Variants in DDX60L observed in about 807,000 individuals in gnomAD.
DDX60L encodes the protein probable ATP-dependent RNA helicase DDX60-like.
Under a neutral mutation model 211.6 loss-of-function variants are expected in DDX60L, and 191 were observed. The observed-to-expected ratio is 0.90, with a 90% CI of 0.80 to 1.02. The LOEUF (loss-of-function observed/expected upper bound fraction) is 1.02. Ranked by LOEUF, DDX60L falls within the 50% of genes least tolerant of loss-of-function variation. DDX60L has a pLI of 0.00. For synonymous variants in DDX60L, 706 were observed against 694.1 expected, an observed-to-expected ratio of 1.02 and a Z score of -0.27; for missense variants, 2,007 against 1,984.1, an observed-to-expected ratio of 1.01 and a Z score of -0.22.
In DDX60L at chr4:168,379,721, G is replaced by T; in HGVS notation, c.4221+5C>A. ...AGAGAACAAAAAGCCAAAGCACGAT[G>T]ATACCTCTTTGATAAGGAGCTGCAA... is the stretch of plus-strand genomic sequence containing the variant. On this transcript the variant is annotated splice_donor_5th_base_variant and intron_variant, in intron 31 of 37. Transcript: ENST00000682922. The T allele has an allele frequency of 6.2e-7, 1 of 1,608,652 alleles. No homozygotes were observed. Among genetic ancestry groups the T allele is most frequent in the Non-Finnish European group, 8.5e-7 (1 of 1,175,772 alleles).
At chr4:168,449,652 C>CAAAAAAAAAAAAAAAAAGAA in intron 8 of DDX60L, among the ~76,000 whole-genome samples, 1 of 7,936 alleles carries the variant, frequency 1.3e-4, no homozygotes, top group African/African-American at 6.1e-4. Context: ...AAAAAAAATG[C>CAAAAAAAAAAAAAAAAAGAA]AAAAAAAAAA....
Position 168,415,809 on chromosome 4 carries a change from TA to T in DDX60L, c.2727-11del. 6.6e-7 allele frequency: 1 copy of T among 1,504,040 alleles called. No individual in the cohort carries two copies. The highest frequency in any genetic ancestry group is 8.9e-7 in the Non-Finnish European group (1 of 1,126,618). The allele number at this position is 1,504,040 out of a possible 1,614,324, so 93.2% of individuals were successfully genotyped here. ...TACTGATTGCAGCCACCTTACAGAA[TA>T]AACATGCATATAATTTAAATAAAAT... On this transcript the variant is annotated splice_polypyrimidine_tract_variant and intron_variant, in intron 20 of 37. Transcript: ENST00000682922.
At chr4:168,386,342 G>A (rs1560963111) in intron 29 of DDX60L, among the ~76,000 whole-genome samples, 1 of 152,118 alleles carries the variant, frequency 6.6e-6, no homozygotes, top group African/African-American at 2.4e-5. Context: ...TAAGCTCCTT[G>A]AGATACAAAT....
At chr4:168,453,978 C>G (rs1756173388) in intron 7 of DDX60L, among the ~76,000 whole-genome samples, 1 of 151,892 alleles carries the variant, frequency 6.6e-6, no homozygotes, top group Non-Finnish European at 1.5e-5. Context: ...GACAGTGATC[C>G]CTAGCCATCT....
In DDX60L at chr4:168,358,284, AATG is replaced by A. The variant is rs756843567; in HGVS notation, c.4992-11_4992-9del. The A allele has an allele frequency of 1.0e-5, 15 of 1,476,890 alleles. No homozygotes were observed. The highest frequency in any genetic ancestry group is 1.3e-5 in the South Asian group (1 of 74,124). The allele number at this position is 1,476,890 out of a possible 1,614,324, so 91.5% of individuals were successfully genotyped here. ...AGTTCACTCAAGGAGTCACTGTATA[AATG>A]ATAATAATAATAAAAAAATAATGAG... On this transcript the variant is annotated splice_polypyrimidine_tract_variant and intron_variant, in intron 37 of 37. Coordinates refer to ENST00000682922, the MANE Select transcript of DDX60L (RefSeq NM_001012967.3).
rs781704022 is a variant in DDX60L, at chr4:168,394,485, A to T, written c.3790T>A (p.Phe1264Ile). 2 of 1,606,466 alleles carry T rather than the reference A, an allele frequency of 1.2e-6. No homozygotes were observed. Among genetic ancestry groups the T allele is most frequent in the East Asian group, 4.5e-5 (2 of 44,802 alleles). Reference sequence around the variant, plus strand: ...CCTACCCTAATAAGCCCTTTTACAAAGAGTATCTCAACAAACTCTTTTTCT... The same window carrying T: ...CCTACCCTAATAAGCCCTTTTACAATGAGTATCTCAACAAACTCTTTTTCT... ...FKEKEFVEIL[F>I]VKGLIRVVTA... Residue 1264 changes from phenylalanine (F) to isoleucine (I), a missense_variant, in exon 28 of 38, where the codon TTT (phenylalanine) becomes ATT (isoleucine). Physicochemically the swap from Phe to Ile is conservative, Grantham distance 21 (BLOSUM62 0). Transcript: ENST00000682922.
chr4:168,418,875 G>C (rs566195101), intron 19 of DDX60L, among the ~76,000 whole-genome samples: 3 of 152,346 alleles, frequency 2.0e-5, no homozygotes, highest in Admixed American at 1.3e-4. Flanking sequence ...GGGAAGGAGA[G>C]AAGACAGTGA....
intron 34 of DDX60L, 28 bp downstream of exon 34, chr4:168,375,349 T>C (rs201907505): frequency 1.2e-6 from 2 of 1,602,246 alleles, no homozygotes; most frequent in Non-Finnish European, 1.7e-6. Flanking sequence ...CTTTAAATTG[T>C]TCCGGAATGG....
At chr4:168,370,660 C>T (rs1740840182) in intron 36 of DDX60L, among the ~76,000 whole-genome samples, 1 of 152,112 alleles carries the variant, frequency 6.6e-6, no homozygotes, top group Non-Finnish European at 1.5e-5. Flanking sequence ...GATCATTATG[C>T]AACATGTATG....
intron 12 of DDX60L, 48 bp downstream of exon 12, chr4:168,432,407 C>G: frequency 9.5e-7 from 1 of 1,057,882 alleles, no homozygotes; most frequent in South Asian, 2.2e-5. Flanking sequence ...AAAAGAGCAG[C>G]AAAGGCAATT....
chr4:168,415,458 C>T lies in DDX60L; in HGVS notation c.2929G>A (p.Asp977Asn). 2 of 1,607,612 alleles carry T rather than the reference C, an allele frequency of 1.2e-6. No homozygotes were observed. Among genetic ancestry groups the T allele is most frequent in the South Asian group, 1.1e-5 (1 of 90,186 alleles). ...GGATGAAAATGATCAAAATAAACAT[C>T]ATCATGTTTTACTGAACATATATGC... ...EKHICSVKHDDVYFDHFHPCA... is the reference protein window; with the variant it reads ...EKHICSVKHDNVYFDHFHPCA... Residue 977 changes from aspartate to asparagine, a missense_variant, in exon 22 of 38, where the codon GAT (aspartate) becomes AAT (asparagine). Physicochemically the swap from Asp to Asn is conservative, Grantham distance 23. Coordinates refer to ENST00000682922, the MANE Select transcript of DDX60L (RefSeq NM_001012967.3).
intron 13 of DDX60L, among the ~76,000 whole-genome samples, chr4:168,427,646 CT>C (rs1202063929): frequency 6.6e-6 from 1 of 152,186 alleles, no homozygotes; most frequent in East Asian, 1.9e-4. Flanking sequence ...TGTAGGGCAG[CT>C]TCTTGGGGAT....
intron 9 of DDX60L, among the ~76,000 whole-genome samples, chr4:168,445,074 A>C (rs1160357401): frequency 1.7e-5 from 2 of 115,614 alleles, no homozygotes; most frequent in Admixed American, 2.0e-4. Context: ...CCTTCAAAAA[A>C]TTAATGAATC....
chr4:168,429,902 A>T (rs991389037), intron 13 of DDX60L, among the ~76,000 whole-genome samples: 1 of 152,184 alleles, frequency 6.6e-6, no homozygotes, highest in African/African-American at 2.4e-5. Flanking sequence ...TATCATGATT[A>T]TAAGTTCCCT....
chr4:168,462,046 G>T lies in DDX60L; in HGVS notation c.265-6C>A, dbSNP rs775670153. 1.1e-5 allele frequency: 17 copies of T among 1,561,954 alleles called. No homozygotes were observed. The East Asian group carries it at 3.8e-4, about 35-fold the overall frequency. On this transcript the variant is annotated splice_polypyrimidine_tract_variant and splice_region_variant and intron_variant, in intron 4 of 37. Coordinates refer to ENST00000682922, the MANE Select transcript of DDX60L (RefSeq NM_001012967.3). ...AAATATGCATATTCAGCATCCTGTG[G>T]TGAGAAAAAGAAACAAGCACATCAT... is the stretch of plus-strand genomic sequence containing the variant.
chr4:168,403,767 A>G (rs1323773210), intron 25 of DDX60L, among the ~76,000 whole-genome samples: 2 of 152,160 alleles, frequency 1.3e-5, no homozygotes, highest in African/African-American at 4.8e-5. Context: ...TCAAGGAAGT[A>G]AGAGGGTAAT....
In DDX60L at chr4:168,448,734, CA is replaced by C; in HGVS notation, c.1041del (p.Phe347LeufsTer6). On this transcript the variant is annotated frameshift_variant, in exon 9 of 38. Transcript: ENST00000682922. LOFTEE classifies it high-confidence loss of function. ...EYFILSNLNVFGCWNLNLNHV... is the reference protein window; with the variant it reads ...EYFILSNLNVXGCWNLNLNHV... Reference sequence around the variant, plus strand: ...TGATTTAAATTCAGATTCCAGCATCCAAAAACGTTTAAGTTGCTTAAAATGA... The same window carrying C: ...TGATTTAAATTCAGATTCCAGCATCCAAAACGTTTAAGTTGCTTAAAATGA... 1 of 1,606,298 alleles carries C rather than the reference CA, an allele frequency of 6.2e-7. No homozygotes were observed. Among genetic ancestry groups the C allele is most frequent in the South Asian group, 1.1e-5 (1 of 90,334 alleles).
chr4:168,374,006 T>C (rs1356751039), intron 34 of DDX60L, among the ~76,000 whole-genome samples, 198 bp from the exon 35 acceptor site: 3 of 152,152 alleles, frequency 2.0e-5, no homozygotes, highest in Non-Finnish European at 4.4e-5. Flanking sequence ...ATTAACTTAT[T>C]ATCATTACTC....
chr4:168,479,972 A>T (rs1760189484), intron 1 of DDX60L, among the ~76,000 whole-genome samples: 1 of 106,112 alleles, frequency 9.4e-6, no homozygotes. Context: ...CGACAGAGCG[A>T]GACTGACTCA....
Sources: allele counts gnomAD v4.1 joint callset (sites outside exome capture counted in the v4.1 genomes callset), GRCh38; gene constraint gnomAD v4.1.1; transcripts MANE v1.5; gene names NCBI Gene and HGNC (gene_info 2026-07-23, HGNC 2026-07-21).